The following STK10 variants were observed in gnomAD, a reference collection of about 807,000 sequenced individuals.
STK10 encodes the protein serine/threonine-protein kinase 10.
A neutral mutation model predicts 113.8 loss-of-function variants in STK10; 78 were observed. The ratio of observed to expected loss-of-function variants is 0.69; its 90% CI spans 0.57 to 0.83. The LOEUF is 0.83. Among genes scored for constraint, STK10 ranks in the 40% least tolerant of loss-of-function variants. STK10 has a pLI of 0.00. For missense variants in STK10, 1,109 were observed against 1,280.1 expected (o/e 0.87, Z 2.04); for synonymous variants, 465 against 494.7 (o/e 0.94, Z 0.80).
Position 172,127,384 on chromosome 5 carries a change from G to A in STK10, c.359C>T (p.Ala120Val). ...CAAGTAAGACTCACCCAGCATGATG[G>A]CGTCCACGGCTCCCCCTGGACAGAA... Reference protein sequence around the residue: ...IEFCPGGAVDAIMLELDRGLT... With the variant: ...IEFCPGGAVDVIMLELDRGLT... Residue 120 changes from alanine to valine, a missense_variant, in exon 3 of 19, where the codon GCC becomes GTC. By Grantham distance (64) the Ala-to-Val change is moderately conservative. This residue lies in a region of STK10 where 120 missense variants were observed against 134.8 expected (regional missense o/e 0.89). Transcript: ENST00000176763. The A allele has an allele frequency of 6.2e-7, 1 of 1,613,910 alleles. No individual in the cohort carries two copies.
intron 12 of STK10, among the ~76,000 whole-genome samples, chr5:172,067,077 G>A (rs886296879): frequency 5.9e-5 from 9 of 152,194 alleles, no homozygotes; most frequent in African/African-American, 2.2e-4. Context: ...GGGATAGCCA[G>A]GCACGGTGGC....
intron 3 of STK10, among the ~76,000 whole-genome samples, chr5:172,125,250 G>A (rs934954748): frequency 3.9e-5 from 6 of 152,188 alleles, no homozygotes; most frequent in African/African-American, 1.2e-4. Context: ...ACAGGCTTTG[G>A]TTGTTCATTA....
chr5:172,172,019 C>T (rs1165533644), intron 1 of STK10, among the ~76,000 whole-genome samples: 1 of 151,976 alleles, frequency 6.6e-6, no homozygotes, highest in South Asian at 2.1e-4. Context: ...TGGTGAAACC[C>T]TGTCTCTACA....
chr5:172,045,728 C>T (rs949051028), intron 18 of STK10, among the ~76,000 whole-genome samples: 6 of 152,090 alleles, frequency 3.9e-5, no homozygotes, highest in African/African-American at 1.2e-4. Flanking sequence ...TTTGCTCTGT[C>T]GCCCAGGCTG....
At chr5:172,132,962 G>A (rs1345419980) in intron 2 of STK10, among the ~76,000 whole-genome samples, 4 of 152,182 alleles carry the variant, frequency 2.6e-5, no homozygotes, top group African/African-American at 9.7e-5. Flanking sequence ...AGCTATCCCA[G>A]AGGAAGCAGA....
intron 8 of STK10, 56 bp downstream of exon 8, chr5:172,096,370 C>A: frequency 6.3e-7 from 1 of 1,595,988 alleles, no homozygotes; most frequent in African/African-American, 1.3e-5. Context: ...ACCAGCAGGG[C>A]CAGCTGAGAT....
intron 1 of STK10, among the ~76,000 whole-genome samples, chr5:172,175,711 G>A (rs1344861453): frequency 1.3e-5 from 2 of 152,198 alleles, no homozygotes; most frequent in Admixed American, 6.5e-5. Flanking sequence ...AGTAGACACC[G>A]CACTGAAGCG....
intron 1 of STK10, among the ~76,000 whole-genome samples, chr5:172,165,950 C>T (rs1186573140): frequency 6.6e-6 from 1 of 152,160 alleles, no homozygotes; most frequent in Non-Finnish European, 1.5e-5. Flanking sequence ...TGCGCCACCA[C>T]GCCCGGCTGT....
At position 172,082,653 on chromosome 5, in the gene STK10, G is replaced by GC. The variant is rs1768459855; in HGVS notation, c.1810-149dup. On this transcript the variant is annotated intron_variant, in intron 11 of 18. Transcript: ENST00000176763. This position sits in a 1 kb window ranked among gnomAD's most constrained non-coding sequence, Gnocchi z 4.3. ...CTACCCCGTTGCTGTGTGACCTGGG[G>GC]CAAGTTACTTAGCCTGAGTCTCCAT... is the stretch of plus-strand genomic sequence containing the variant. The GC allele has an allele frequency of 6.4e-6, 7 of 1,095,218 alleles. No individual in the cohort carries two copies. Among genetic ancestry groups the GC allele is most frequent in the Non-Finnish European group, 8.9e-6 (7 of 790,234 alleles). 67.8% of individuals were successfully genotyped at this position (1,095,218 alleles called of 1,614,324 possible). A position where few individuals can be genotyped will look rare whatever the true frequency, so the allele number is the denominator to read the frequency against.
intron 13 of STK10, among the ~76,000 whole-genome samples, chr5:172,063,980 C>T (rs952963718): frequency 1.3e-5 from 2 of 152,084 alleles, no homozygotes; most frequent in Non-Finnish European, 2.9e-5. Context: ...CAGGGCACAG[C>T]AAAGAGGCGG....
chr5:172,119,381 T>TTC (rs1267311908), intron 3 of STK10, among the ~76,000 whole-genome samples: 1 of 151,872 alleles, frequency 6.6e-6, no homozygotes, highest in Admixed American at 6.6e-5. Flanking sequence ...CCACGAGAAG[T>TTC]TCTGAGTGGG....
rs1383498680 is a variant in STK10 at position 172,055,775 on chromosome 5, T to C, written c.2339A>G (p.Glu780Gly). ...RHELLRKHEKEREQMQRYNQR... is the reference protein window; with the variant it reads ...RHELLRKHEKGREQMQRYNQR... ...GTTGTAGCGCTGCATCTGCTCCCGC[T>C]CCTGGAGAGGAATATCCAGAGGGGC... Residue 780 changes from glutamate (E) to glycine (G), a missense_variant and splice_region_variant, in exon 16 of 19, where the codon GAG becomes GGG. Physicochemically the swap from Glu to Gly is moderately conservative, Grantham distance 98 (BLOSUM62 -2). Around this residue, in one of 5 missense-constraint regions of STK10, gnomAD observed 885 missense variants for 991.1 expected, o/e 0.89. Coordinates refer to ENST00000176763, the MANE Select transcript of STK10 (RefSeq NM_005990.4). 2 of 1,484,078 alleles carry C rather than the reference T, an allele frequency of 1.3e-6. No individual in the cohort carries two copies. Among genetic ancestry groups the C allele is most frequent in the East Asian group, 5.0e-5 (2 of 39,868 alleles). The allele number at this position is 1,484,078 out of a possible 1,614,324, so 91.9% of individuals were successfully genotyped here. A position where few individuals can be genotyped will look rare whatever the true frequency, so the allele number is the denominator to read the frequency against.
chr5:172,150,058 AAAAAAAAAAG>A (rs1770185239), intron 2 of STK10, among the ~76,000 whole-genome samples: 2 of 148,714 alleles, frequency 1.3e-5, no homozygotes, highest in Non-Finnish European at 3.0e-5. Context: ...AAAAAAAAAA[AAAAAAAAAAG>A]AAAGAAAGAC....
intron 4 of STK10, chr5:172,114,558 C>A (rs1398985835): frequency 7.5e-6 from 1 of 133,576 alleles, no homozygotes; most frequent in Non-Finnish European, 1.5e-5. Flanking sequence ...TCTCGGCTCA[C>A]TGCAAGCTCC....
intron 2 of STK10, among the ~76,000 whole-genome samples, chr5:172,128,952 T>A (rs1273358424): frequency 6.6e-6 from 1 of 152,166 alleles, no homozygotes; most frequent in South Asian, 2.1e-4. Context: ...GCAATGTAAA[T>A]ATGACCCTGA....
chr5:172,126,444 G>T (rs1769621116), intron 3 of STK10, among the ~76,000 whole-genome samples: 1 of 152,120 alleles, frequency 6.6e-6, no homozygotes, highest in Non-Finnish European at 1.5e-5. Context: ...GGCACCTGTA[G>T]TCCCAGCTAC....
rs137982812 is a variant in STK10, at chr5:172,094,775, A to G, written c.1006-815T>C. 4.2e-3 allele frequency among the ~76,000 whole-genome samples: 641 copies of G among 152,308 alleles called. 7 individuals carry two copies. Among genetic ancestry groups the G allele is most frequent in the African/African-American group, 0.015 (619 of 41,552 alleles). On this transcript the variant is annotated intron_variant, in intron 8 of 18. Transcript: ENST00000176763. ...GTGGCAACTAACTCATATTTTTTAAAAAATCATATAAAGGCCAAGCCAAGC... is the reference window on the plus strand; with the variant it reads ...GTGGCAACTAACTCATATTTTTTAAGAAATCATATAAAGGCCAAGCCAAGC...
At chr5:172,064,440 C>T (rs954148522) in intron 13 of STK10, 3 of 499,040 alleles carry the variant, frequency 6.0e-6, no homozygotes, top group East Asian at 3.4e-5. Flanking sequence ...AATAAATAAC[C>T]CTAAAACAAG....
At chr5:172,059,458 C>T (rs1222016402) in intron 14 of STK10, among the ~76,000 whole-genome samples, 1 of 140,194 alleles carries the variant, frequency 7.1e-6, no homozygotes, top group Non-Finnish European at 1.5e-5. Context: ...AAAAAAAAAG[C>T]TCAAACCAAG....
Sources: allele counts gnomAD v4.1 joint callset (sites outside exome capture counted in the v4.1 genomes callset), GRCh38; gene constraint gnomAD v4.1.1; regional missense constraint gnomAD v4.1.1; non-coding constraint Gnocchi (gnomAD v3.1); transcripts MANE v1.5; gene names NCBI Gene and HGNC (gene_info 2026-07-23, HGNC 2026-07-21).